Variants in ADCY7 observed in about 807,000 individuals in gnomAD.
ADCY7 encodes adenylate cyclase type 7.
In ADCY7, 72 loss-of-function variants were observed where a neutral mutation model predicts 120.6. The ratio of observed to expected loss-of-function variants is 0.60; its 90% CI spans 0.49 to 0.73. ADCY7 has a LOEUF of 0.73. ADCY7 is among the 30% of genes least tolerant of loss of function. ADCY7 has a pLI of 0.00. For synonymous variants in ADCY7, 661 were observed against 628.0 expected (o/e 1.05, Z -0.78); for missense variants, 1,227 against 1,486.0 (o/e 0.83, Z 2.87).
In ADCY7 at chr16:50,304,449, G is replaced by A. The variant is rs754996729; in HGVS notation, c.1458G>A (p.Arg486=). Residue 486 remains arginine (R), a synonymous_variant, in exon 11 of 26, where the codon CGG becomes CGA. Coordinates refer to ENST00000673801, the MANE Select transcript of ADCY7 (RefSeq NM_001114.5). ...TGCGGGCGTCAGTGCGCATGACCCG[G>A]TACCTCGAGTCCTGGGGGGCGGCAC... is the stretch of plus-strand genomic sequence containing the variant. ...LKMRASVRMT[R]YLESWGAARP... The A allele has an allele frequency of 1.2e-6, 2 of 1,609,400 alleles. No homozygotes were observed. Among genetic ancestry groups the A allele is most frequent in the Admixed American group, 1.7e-5 (1 of 59,462 alleles).
chr16:50,268,091 T>C (rs116606856), intron 1 of ADCY7, among the ~76,000 whole-genome samples: 2,852 of 152,180 alleles, frequency 0.019, 95 homozygotes, highest in African/African-American at 0.065. Context: ...TCTTTCTTTC[T>C]TATTTTTATT....
In ADCY7 at chr16:50,247,539, ATTTT is replaced by A. The variant is rs5816683; in HGVS notation, c.-64+1353_-64+1356del. ...GCCACCACGCCTGGCTAATTTAGTA[ATTTT>A]TTTTTTTTTTTTTTTTGGTGGACGC... On this transcript the variant is annotated intron_variant, in intron 1 of 4. Coordinates refer to the ADCY7 transcript ENST00000564044. Among the ~76,000 whole-genome samples the A allele has an allele frequency of 1.4e-4, 16 of 111,352 alleles. No individual in the cohort carries two copies. In the South Asian group the frequency reaches 1.5e-3, roughly 11 times the overall value. The allele number at this position is 111,352 out of a possible 152,430, so 73.1% of individuals were successfully genotyped here.
intron 1 of ADCY7, among the ~76,000 whole-genome samples, chr16:50,273,212 C>A (rs1377018388): frequency 6.6e-6 from 1 of 152,130 alleles, no homozygotes; most frequent in African/African-American, 2.4e-5. Flanking sequence ...GTATTGTTAC[C>A]AGTCCATTCT....
In ADCY7 at chr16:50,300,956, A is replaced by T; in HGVS notation, c.1235+83A>T. Reference sequence around the variant, plus strand: ...GGTTCTGCGGTTGGGGGTGGGGGTCAGGTGTGGAGGGAGAGATGAATGTAG... The same window carrying T: ...GGTTCTGCGGTTGGGGGTGGGGGTCTGGTGTGGAGGGAGAGATGAATGTAG... On this transcript the variant is annotated intron_variant, in intron 9 of 25. Transcript: ENST00000673801. The T allele has an allele frequency of 2.6e-6, 4 of 1,530,346 alleles. No individual in the cohort carries two copies. In the South Asian group the frequency reaches 4.9e-5, roughly 19 times the overall value. 94.8% of individuals were successfully genotyped at this position (1,530,346 alleles called of 1,614,324 possible).
At chr16:50,244,716 C>T (rs1256101059), upstream of ADCY7, among the ~76,000 whole-genome samples, 1 of 152,228 alleles carries the variant, frequency 6.6e-6, no homozygotes, top group Admixed American at 6.5e-5. Flanking sequence ...CCGGGATTCC[C>T]ATTACCGGCG....
intron 1 of ADCY7, among the ~76,000 whole-genome samples, chr16:50,252,057 G>A (rs79789205): frequency 0.015 from 2,351 of 152,320 alleles, 120 homozygotes; most frequent in East Asian, 0.12. Context: ...ATGTGTGCCT[G>A]GCCCTGAAGA....
chr16:50,275,024 G>A (rs1287341799), intron 1 of ADCY7, among the ~76,000 whole-genome samples: 7 of 152,222 alleles, frequency 4.6e-5, no homozygotes, highest in Admixed American at 4.6e-4. Flanking sequence ...TTCCATGGGA[G>A]AGGCAGGAAA....
intron 24 of ADCY7, 24 bp from the exon 25 acceptor site, chr16:50,314,990 G>C (rs1160401455): frequency 6.2e-7 from 1 of 1,613,498 alleles, no homozygotes; most frequent in Non-Finnish European, 8.5e-7. Flanking sequence ...TGCACGCTTG[G>C]GTAACTGTAA....
chr16:50,312,247 C>G (rs1417235929), intron 21 of ADCY7, 56 bp downstream of exon 21: 1 of 1,591,910 alleles, frequency 6.3e-7, no homozygotes, highest in African/African-American at 1.3e-5. Context: ...CAGGCGCAGT[C>G]CGTAGGGTGA....
intron 1 of ADCY7, among the ~76,000 whole-genome samples, chr16:50,283,936 C>G (rs759599212): frequency 9.9e-5 from 15 of 152,194 alleles, no homozygotes; most frequent in South Asian, 2.1e-4. Flanking sequence ...AAGCTAACAG[C>G]AGGGTCATTC....
chr16:50,306,522 C>T (rs1381844888), intron 14 of ADCY7, among the ~76,000 whole-genome samples: 1 of 139,304 alleles, frequency 7.2e-6, no homozygotes, highest in African/African-American at 2.7e-5. Flanking sequence ...TCCTTCCCTG[C>T]AGCAGGAACC....
chr16:50,284,687 C>T (rs1165363630), intron 1 of ADCY7, among the ~76,000 whole-genome samples: 1 of 152,238 alleles, frequency 6.6e-6, no homozygotes, highest in African/African-American at 2.4e-5. Flanking sequence ...CTGGCTCAGT[C>T]CCCCGGGATG....
intron 17 of ADCY7, chr16:50,309,245 T>C: frequency 2.5e-6 from 1 of 396,962 alleles, no homozygotes; most frequent in Non-Finnish European, 4.6e-6. Context: ...TTTTGGAATG[T>C]GTTCCTGTGA....
chr16:50,307,296 C>G, intron 15 of ADCY7, 149 bp downstream of exon 15: 1 of 663,742 alleles, frequency 1.5e-6, no homozygotes, highest in Non-Finnish European at 2.6e-6. Context: ...GGCAGCACAC[C>G]TTGAGTTACC....
At chr16:50,263,780 T>C (rs1413487205), upstream of ADCY7, among the ~76,000 whole-genome samples, 2 of 151,734 alleles carry the variant, frequency 1.3e-5, no homozygotes, top group African/African-American at 4.8e-5. Context: ...CTGCCTCCTA[T>C]GCCCCTTCCC....
rs918189105 is a variant in ADCY7 at position 50,281,612 on chromosome 16, C to T, written c.-268-6300C>T. 2.0e-4 allele frequency among the ~76,000 whole-genome samples: 30 copies of T among 152,342 alleles called. No individual in the cohort carries two copies. In the East Asian group the frequency reaches 2.1e-3, roughly 11 times the overall value. On this transcript the variant is annotated intron_variant, in intron 1 of 25. Transcript: ENST00000673801. ...GGACACACACACACAGATCCCACCA[C>T]GACAGTTTGGCAAGTCAGGGGCCGG...
chr16:50,246,988 G>A (rs556690138), intron 1 of ADCY7, among the ~76,000 whole-genome samples: 1 of 152,242 alleles, frequency 6.6e-6, no homozygotes, highest in Non-Finnish European at 1.5e-5. Context: ...ATGAGGAACA[G>A]GATACCCTGT....
upstream of ADCY7, among the ~76,000 whole-genome samples, chr16:50,265,604 C>A (rs532295405): frequency 1.3e-5 from 2 of 152,206 alleles, no homozygotes; most frequent in African/African-American, 4.8e-5. Context: ...AAAGACAGAC[C>A]AGCAACCAGT....
rs67323835 is a variant in ADCY7, at chr16:50,312,203, AGGGGCT to A, written c.2604+18_2604+23del. The A allele has an allele frequency of 0.21, 333,045 of 1,610,574 alleles. 36,685 individuals are homozygous for A. Among genetic ancestry groups the A allele is most frequent in the East Asian group, 0.35 (15,636 of 44,710 alleles). On this transcript the variant is annotated intron_variant, in intron 21 of 25. Coordinates refer to ENST00000673801, the MANE Select transcript of ADCY7 (RefSeq NM_001114.5). ...ACAAGTTAAACGAGGTGTGCTGAGA[AGGGGCT>A]GGGGCGGGGGCAGGGAGGCGGACGG...
Sources: gnomAD v4.1 joint callset for allele counts (sites outside exome capture counted in the v4.1 genomes callset) on GRCh38, gnomAD v4.1.1 for gene constraint, MANE v1.5 for transcripts, NCBI Gene and HGNC (gene_info 2026-07-23, HGNC 2026-07-21) for gene names.